MECOM: variants seen among roughly 807,000 people sequenced by gnomAD.
MECOM encodes histone-lysine N-methyltransferase MECOM.
MECOM carries 13 observed loss-of-function variants against 116.3 expected under a neutral mutation model. The ratio of observed to expected loss-of-function variants is 0.11; its 90% CI spans 0.07 to 0.18. The LOEUF is 0.18. Ranked by LOEUF, MECOM falls within the 10% of genes least tolerant of loss-of-function variation. The probability of loss-of-function intolerance (pLI) is 1.00; values close to 1 mark genes in which losing one functional copy is unlikely to be tolerated. For missense variants in MECOM, 1,299 were observed against 1,509.0 expected, an observed-to-expected ratio of 0.86 and a Z score of 2.31; for synonymous variants, 528 against 535.2, an observed-to-expected ratio of 0.99 and a Z score of 0.19.
chr3:169,281,337 A>G (rs1560083309), intron 2 of MECOM, among the ~76,000 whole-genome samples: 1 of 152,112 alleles, frequency 6.6e-6, no homozygotes. Flanking sequence ...TGAAATTTTC[A>G]TTTCTTCTCC....
chr3:169,359,935 G>T (rs1323933623), intron 2 of MECOM, among the ~76,000 whole-genome samples: 2 of 151,650 alleles, frequency 1.3e-5, no homozygotes, highest in Non-Finnish European at 3.0e-5. Context: ...AGTTCATACT[G>T]CAGATGCTAG....
intron 2 of MECOM, among the ~76,000 whole-genome samples, chr3:169,317,904 T>G (rs1292350326): frequency 6.6e-6 from 1 of 152,162 alleles, no homozygotes; most frequent in African/African-American, 2.4e-5. Context: ...CAAAACAGCA[T>G]GGTACTGGTA....
chr3:169,361,277 C>T (rs886835550), intron 2 of MECOM, among the ~76,000 whole-genome samples: 2 of 151,840 alleles, frequency 1.3e-5, no homozygotes, highest in Admixed American at 6.6e-5. Flanking sequence ...AGCAAAAGAA[C>T]CATTTAAACA....
At chr3:169,241,178 T>C (rs1256890967) in intron 2 of MECOM, among the ~76,000 whole-genome samples, 3 of 152,304 alleles carry the variant, frequency 2.0e-5, no homozygotes, top group African/African-American at 7.2e-5. Flanking sequence ...TGATATTTTG[T>C]GACCATAGTC....
chr3:169,361,079 C>T (rs1728229300), intron 2 of MECOM, among the ~76,000 whole-genome samples: 1 of 151,738 alleles, frequency 6.6e-6, no homozygotes, highest in Non-Finnish European at 1.5e-5. Context: ...AAAGGGAGCT[C>T]TTGGAAGAGA....
intron 2 of MECOM, among the ~76,000 whole-genome samples, chr3:169,172,445 A>G (rs985046462): frequency 2.4e-4 from 28 of 115,018 alleles, no homozygotes; most frequent in African/African-American, 6.7e-4. Context: ...GTGTGTGTGT[A>G]TACATATATA....
chr3:169,578,185 T>C (rs374425700), intron 1 of MECOM, among the ~76,000 whole-genome samples: 2 of 152,158 alleles, frequency 1.3e-5, no homozygotes. Flanking sequence ...ACTTAAAAGA[T>C]GTGTGATATG....
At chr3:169,575,744 C>T (rs1290072793) in intron 1 of MECOM, among the ~76,000 whole-genome samples, 2 of 152,196 alleles carry the variant, frequency 1.3e-5, no homozygotes, top group Non-Finnish European at 2.9e-5. Context: ...TGTCTCCTTA[C>T]TGACAAAGAT....
intron 2 of MECOM, among the ~76,000 whole-genome samples, chr3:169,314,900 A>G (rs1719471095): frequency 6.6e-6 from 1 of 152,216 alleles, no homozygotes; most frequent in Non-Finnish European, 1.5e-5. Flanking sequence ...ATTCTCCTGA[A>G]TATTTATGAA....
chr3:169,436,293 C>A (rs1054597122), intron 1 of MECOM, among the ~76,000 whole-genome samples: 3 of 145,530 alleles, frequency 2.1e-5, no homozygotes, highest in African/African-American at 7.6e-5. Flanking sequence ...TCTTGTTGCC[C>A]AGGCTGGAAT....
chr3:169,444,128 G>A (rs1744208571), intron 1 of MECOM, among the ~76,000 whole-genome samples: 1 of 152,104 alleles, frequency 6.6e-6, no homozygotes, highest in Admixed American at 6.5e-5. Context: ...CTTTTTCAGA[G>A]TTCCTGAAGT....
At chr3:169,584,401 T>A (rs1278836798) in intron 1 of MECOM, among the ~76,000 whole-genome samples, 1 of 150,982 alleles carries the variant, frequency 6.6e-6, no homozygotes, top group African/African-American at 2.4e-5. Context: ...CCGTCTCTAC[T>A]AAAAATACAA....
chr3:169,427,979 T>C (rs1335462813), intron 1 of MECOM, among the ~76,000 whole-genome samples: 1 of 152,108 alleles, frequency 6.6e-6, no homozygotes, highest in Non-Finnish European at 1.5e-5. Context: ...ATGACTGGTA[T>C]CCCTATAAGA....
chr3:169,435,882 C>A (rs1742547257), intron 1 of MECOM, among the ~76,000 whole-genome samples: 1 of 152,082 alleles, frequency 6.6e-6, no homozygotes, highest in South Asian at 2.1e-4. Flanking sequence ...CAAGCAGATA[C>A]AATATTCCAA....
chr3:169,088,267 T>C (rs1718491114), intron 16 of MECOM, among the ~76,000 whole-genome samples: 1 of 152,178 alleles, frequency 6.6e-6, no homozygotes, highest in Non-Finnish European at 1.5e-5. Context: ...AGTGTGGATG[T>C]CAAACAAAAA....
chr3:169,301,699 G>A (rs1716747147), intron 2 of MECOM, among the ~76,000 whole-genome samples: 1 of 152,162 alleles, frequency 6.6e-6, no homozygotes, highest in South Asian at 2.1e-4. Flanking sequence ...ATATGTAAAA[G>A]ATATGCTAAT....
intron 1 of MECOM, among the ~76,000 whole-genome samples, chr3:169,423,970 A>G (rs1740211889): frequency 6.6e-6 from 1 of 152,142 alleles, no homozygotes; most frequent in African/African-American, 2.4e-5. Flanking sequence ...GACATAGTGG[A>G]TGATATTTAC....
intron 1 of MECOM, among the ~76,000 whole-genome samples, chr3:169,454,297 G>A (rs1746101169): frequency 6.7e-6 from 1 of 149,222 alleles, no homozygotes. Flanking sequence ...GTTTTGCTGG[G>A]AACTTTTATT....
chr3:169,411,100 T>C (rs575556587), intron 1 of MECOM, among the ~76,000 whole-genome samples: 45 of 152,326 alleles, frequency 3.0e-4, no homozygotes, highest in African/African-American at 8.4e-4. Flanking sequence ...CCATTCCATA[T>C]GCTAACAAAT....
Sources: allele counts gnomAD v4.1 joint callset (sites outside exome capture counted in the v4.1 genomes callset), GRCh38; gene constraint gnomAD v4.1.1; transcripts MANE v1.5; gene names NCBI Gene and HGNC (gene_info 2026-07-23, HGNC 2026-07-21).